Variants in TSTD2 observed in about 807,000 individuals in gnomAD.
The protein encoded by TSTD2 is thiosulfate sulfurtransferase like domain containing 2.
Under a neutral mutation model 47.9 loss-of-function variants are expected in TSTD2, and 37 were observed. That is an observed-to-expected ratio of 0.77 (90% CI 0.59 to 1.02). The LOEUF (loss-of-function observed/expected upper bound fraction) is 1.02, where lower values mean the gene tolerates loss of function less well. Among genes scored for constraint, TSTD2 ranks in the 50% least tolerant of loss-of-function variants. The pLI is 0.00. For missense variants in TSTD2, 586 were observed against 616.0 expected (o/e 0.95, Z 0.52); for synonymous variants, 201 against 215.9 (o/e 0.93, Z 0.61).
intron 6 of TSTD2, among the ~76,000 whole-genome samples, chr9:97,608,308 T>C (rs1048850271): frequency 6.6e-6 from 1 of 152,130 alleles, no homozygotes; most frequent in African/African-American, 2.4e-5. Flanking sequence ...CTGAGAACGA[T>C]TGTTTGGACA....
At chr9:97,619,343 A>G (rs1251415819) in intron 3 of TSTD2, among the ~76,000 whole-genome samples, 2 of 152,222 alleles carry the variant, frequency 1.3e-5, no homozygotes, top group Non-Finnish European at 2.9e-5. Flanking sequence ...TGAACTGTGC[A>G]GGTCCACTTA....
intron 4 of TSTD2, among the ~76,000 whole-genome samples, chr9:97,615,409 TGG>T (rs1172876475): frequency 6.6e-6 from 1 of 152,242 alleles, no homozygotes; most frequent in African/African-American, 2.4e-5. Flanking sequence ...CTGGTAAATC[TGG>T]GATTCAAAAC....
intron 8 of TSTD2, 119 bp from the exon 9 acceptor site, chr9:97,604,984 A>G: frequency 6.8e-7 from 1 of 1,470,998 alleles, no homozygotes; most frequent in Non-Finnish European, 9.0e-7. Flanking sequence ...CGCTGCTATC[A>G]GTCAGGGGCT....
At chr9:97,625,538 G>A in intron 3 of TSTD2, 143 bp downstream of exon 3, 2 of 772,032 alleles carry the variant, frequency 2.6e-6, no homozygotes, top group East Asian at 2.6e-5. Context: ...GTGACTGGGT[G>A]TTCCAGTTGT....
Position 97,604,762 on chromosome 9 carries a change from C to A in TSTD2, c.1217G>T (p.Arg406Leu). 2 of 1,614,182 alleles carry A rather than the reference C, an allele frequency of 1.2e-6. No homozygotes were observed. The highest frequency in any genetic ancestry group is 1.1e-5 in the South Asian group (1 of 91,080). ...ATCACTGTTGTAGGACAGAGCATAG[C>A]GTTCATCAAAAACAAACAACTTCCC... Reference protein sequence around the residue: ...YKGKLFVFDERYALSYNSDVV... With the variant: ...YKGKLFVFDELYALSYNSDVV... The change falls in exon 9 of 10, where the codon CGC becomes CTC. Residue 406 changes from arginine to leucine, a missense_variant. Arg to Leu is a moderately radical substitution (Grantham distance 102). Coordinates refer to ENST00000341170, the MANE Select transcript of TSTD2 (RefSeq NM_139246.5).
intron 5 of TSTD2, chr9:97,611,089 C>T (rs74702960): frequency 0.014 from 2,187 of 153,988 alleles, 107 homozygotes; most frequent in East Asian, 0.13. Flanking sequence ...AGAATGGGGA[C>T]GAGCATACTC....
intron 3 of TSTD2, among the ~76,000 whole-genome samples, chr9:97,622,040 T>C (rs1826647082): frequency 6.6e-6 from 1 of 152,074 alleles, no homozygotes; most frequent in South Asian, 2.1e-4. Context: ...TTTGTACTCT[T>C]TCTCTTTATT....
chr9:97,632,870 G>A (rs945952906), intron 1 of TSTD2, among the ~76,000 whole-genome samples: 1 of 152,192 alleles, frequency 6.6e-6, no homozygotes, highest in Non-Finnish European at 1.5e-5. Context: ...TAAGACCGAA[G>A]GAGAATTAGG....
rs143078976 is a variant in TSTD2 at position 97,626,900 on chromosome 9, A to G, written c.165+498T>C. ...CAATATTTTTAATGTTGGTCCAAAT[A>G]AAAGGCAAAAGAAATGCTACCCTAT... On this transcript the variant is annotated intron_variant, in intron 2 of 9. Transcript: ENST00000341170. Among the ~76,000 whole-genome samples the G allele has an allele frequency of 1.7e-3, 246 of 144,822 alleles. 1 individual carries two copies. The highest frequency in any genetic ancestry group is 6.2e-3 in the African/African-American group (238 of 38,282).
rs936015222 is a variant in TSTD2 at position 97,607,168 on chromosome 9, A to C, written c.836-907T>G. Among the ~76,000 whole-genome samples the C allele has an allele frequency of 2.2e-4, 34 of 152,250 alleles. No homozygotes were observed. The Middle Eastern group carries it at 0.01, about 46-fold the overall frequency. ...GCAATAGAGCAAGACCCTGTCTCAA[A>C]AAATATATATACAAAGGGACTAATA... On this transcript the variant is annotated intron_variant, in intron 6 of 9. Transcript: ENST00000341170.
At chr9:97,606,686 C>T (rs1048955011) in intron 6 of TSTD2, among the ~76,000 whole-genome samples, 6 of 152,160 alleles carry the variant, frequency 3.9e-5, no homozygotes, top group Admixed American at 6.5e-5. Flanking sequence ...TGGGCAAGTA[C>T]GTGGCTGACT....
At position 97,602,596 on chromosome 9, in the gene TSTD2, A is replaced by G. The variant is rs138733958; in HGVS notation, c.1424T>C (p.Phe475Ser). 112 of 1,614,016 alleles carry G rather than the reference A, an allele frequency of 6.9e-5. No individual in the cohort carries two copies. The highest frequency in any genetic ancestry group is 9.0e-5 in the Non-Finnish European group (106 of 1,180,010). ...RKVSGPMQDS[F>S]KEECECTARR... ...GGCTGTGCACTCGCATTCCTCTTTA[A>G]AGCTGTCTTGCATAGGGCCTGAAAC... The change falls in exon 10 of 10, where the codon TTT becomes TCT. Residue 475 changes from phenylalanine to serine, a missense_variant. Physicochemically the swap from Phe to Ser is radical, Grantham distance 155. Coordinates refer to ENST00000341170, the MANE Select transcript of TSTD2 (RefSeq NM_139246.5).
chr9:97,629,818 G>A (rs1217413450), intron 1 of TSTD2, among the ~76,000 whole-genome samples: 1 of 151,944 alleles, frequency 6.6e-6, no homozygotes, highest in Non-Finnish European at 1.5e-5. Context: ...CATTGTTCTA[G>A]AAACAGATAA....
chr9:97,601,686 G>A lies in TSTD2; in HGVS notation c.*783C>T. Reference sequence around the variant, plus strand: ...GTTGCAACTATTCAACTCTGCCATAGATCATGTGTAAAGGAATGGGTGTGG... The same window carrying A: ...GTTGCAACTATTCAACTCTGCCATAAATCATGTGTAAAGGAATGGGTGTGG... On this transcript the variant is annotated 3_prime_UTR_variant, in exon 10 of 10. Coordinates refer to ENST00000341170, the MANE Select transcript of TSTD2 (RefSeq NM_139246.5). The A allele has an allele frequency of 1.7e-6, 1 of 597,064 alleles. No homozygotes were observed. The highest frequency in any genetic ancestry group is 2.1e-6 in the Non-Finnish European group (1 of 474,464). 37.0% of individuals were successfully genotyped at this position (597,064 alleles called of 1,614,324 possible).
rs1465268743 is a variant in TSTD2, at chr9:97,610,274, C to A, written c.835+72G>T. The A allele has an allele frequency of 3.6e-6, 5 of 1,372,000 alleles. No homozygotes were observed. In the Admixed American group the frequency reaches 9.9e-5, roughly 27 times the overall value. 85.0% of individuals were successfully genotyped at this position (1,372,000 alleles called of 1,614,324 possible). A position where few individuals can be genotyped will look rare whatever the true frequency, so the allele number is the denominator to read the frequency against. On this transcript the variant is annotated intron_variant, in intron 6 of 9. Transcript: ENST00000341170. ...CTCATGACTGCTGCTGATCACAGTG[C>A]CTAGCTTTCTTATTTGTCTATTAAG...
rs747831216 is a variant in TSTD2, at chr9:97,602,439, G to A, written c.*30C>T. 19 of 1,553,636 alleles carry A rather than the reference G, an allele frequency of 1.2e-5. No individual in the cohort carries two copies. The highest frequency in any genetic ancestry group is 3.8e-5 in the Admixed American group (2 of 52,950). On this transcript the variant is annotated 3_prime_UTR_variant, in exon 10 of 10. Coordinates refer to ENST00000341170, the MANE Select transcript of TSTD2 (RefSeq NM_139246.5). ...TAGTCACCCCAAACCTACTTTTACC[G>A]AGGGCCTGGGAAAATGCCAAAGGTG... is the stretch of plus-strand genomic sequence containing the variant.
At chr9:97,630,291 G>A (rs557324312) in intron 1 of TSTD2, among the ~76,000 whole-genome samples, 2 of 152,108 alleles carry the variant, frequency 1.3e-5, no homozygotes, top group East Asian at 1.9e-4. Context: ...GATCTCCTCC[G>A]ACTCTGCATC....
chr9:97,630,846 AATACT>A (rs1826797124), intron 1 of TSTD2, among the ~76,000 whole-genome samples: 1 of 152,234 alleles, frequency 6.6e-6, no homozygotes, highest in Non-Finnish European at 1.5e-5. Context: ...TTCTGTTTAG[AATACT>A]ATATAATAAA....
chr9:97,602,346 G>C lies in TSTD2; in HGVS notation c.*123C>G. The C allele has an allele frequency of 2.5e-6, 3 of 1,180,898 alleles. No individual in the cohort carries two copies. The highest frequency in any genetic ancestry group is 3.5e-6 in the Non-Finnish European group (3 of 864,052). The allele number at this position is 1,180,898 out of a possible 1,614,324, so 73.2% of individuals were successfully genotyped here. A position where few individuals can be genotyped will look rare whatever the true frequency, so the allele number is the denominator to read the frequency against. ...GCTGTGAAGTGTAGACGGCTGCCAC[G>C]GTGGCAGCGGCCAGAACTGAAGTTC... On this transcript the variant is annotated 3_prime_UTR_variant, in exon 10 of 10. Coordinates refer to ENST00000341170, the MANE Select transcript of TSTD2 (RefSeq NM_139246.5).
Sources: gnomAD v4.1 joint callset for allele counts (sites outside exome capture counted in the v4.1 genomes callset) on GRCh38, gnomAD v4.1.1 for gene constraint, MANE v1.5 for transcripts, NCBI Gene and HGNC (gene_info 2026-07-23, HGNC 2026-07-21) for gene names.